Variants in PSG5 observed in about 807,000 individuals in gnomAD.
The protein encoded by PSG5 is pregnancy specific beta-1-glycoprotein 5, also known as pregnancy-specific beta-1-glycoprotein 5.
Under a neutral mutation model 37.7 loss-of-function variants are expected in PSG5, and 53 were observed. The observed-to-expected ratio is 1.41, with a 90% CI of 1.13 to 1.77. PSG5 has a LOEUF of 1.77. Ranked by LOEUF, PSG5 falls within the 40% of genes most tolerant of loss-of-function variation. PSG5 has a pLI of 0.00. For missense variants in PSG5, 547 were observed against 405.2 expected (o/e 1.35, Z -3.00); for synonymous variants, 221 against 155.4 (o/e 1.42, Z -3.14).
At chr19:43,183,974 A>C (rs1395166083) in intron 2 of PSG5, among the ~76,000 whole-genome samples, 1 of 151,650 alleles carries the variant, frequency 6.6e-6, no homozygotes, top group Non-Finnish European at 1.5e-5. Flanking sequence ...AATGCTTGGC[A>C]CAGTGGAGGT....
chr19:43,178,054 T>A (rs1364930246), intron 2 of PSG5, among the ~76,000 whole-genome samples: 1 of 151,646 alleles, frequency 6.6e-6, no homozygotes, highest in African/African-American at 2.4e-5. Context: ...AAGAATGATC[T>A]AGAAAGAGTG....
At chr19:43,183,205 G>A (rs1599755110) in intron 2 of PSG5, 2 of 328,616 alleles carry the variant, frequency 6.1e-6, no homozygotes, top group South Asian at 2.4e-5. Flanking sequence ...GGACAAAGGA[G>A]CCCTGAGAAT....
intron 2 of PSG5, among the ~76,000 whole-genome samples, chr19:43,182,612 A>G (rs1969152210): frequency 6.7e-6 from 1 of 149,774 alleles, no homozygotes; most frequent in African/African-American, 2.5e-5. Context: ...TCCACTGGGG[A>G]GGCTGATTTG....
intron 5 of PSG5, 72 bp from the exon 6 acceptor site, chr19:43,168,275 C>G: frequency 2.7e-6 from 1 of 372,118 alleles, no homozygotes; most frequent in Non-Finnish European, 5.0e-6. Context: ...AAAGACACAG[C>G]TCACATAGAA....
intron 4 of PSG5, 50 bp from the exon 5 acceptor site, chr19:43,170,188 A>C: frequency 6.8e-7 from 1 of 1,468,098 alleles, no homozygotes; most frequent in Non-Finnish European, 9.4e-7. Flanking sequence ...GTTATTTTAC[A>C]TGGGGGAGCC....
At chr19:43,181,348 CT>C (rs1969123978) in intron 2 of PSG5, among the ~76,000 whole-genome samples, 1 of 151,700 alleles carries the variant, frequency 6.6e-6, no homozygotes, top group African/African-American at 2.4e-5. Flanking sequence ...TCTTATTGAA[CT>C]TTCCTTTTTC....
intron 2 of PSG5, chr19:43,180,228 G>A (rs1276856289): frequency 6.6e-6 from 1 of 151,518 alleles, no homozygotes; most frequent in South Asian, 2.1e-4. Context: ...TTGTTCCATG[G>A]GTGTGCGGTT....
At chr19:43,179,510 C>G (rs1382528559) in intron 2 of PSG5, among the ~76,000 whole-genome samples, 1 of 151,712 alleles carries the variant, frequency 6.6e-6, no homozygotes, top group Admixed American at 6.6e-5. Context: ...GTATGCAGTG[C>G]TGGAATCTTC....
intron 2 of PSG5, among the ~76,000 whole-genome samples, chr19:43,184,536 C>T (rs375733028): frequency 6.6e-6 from 1 of 151,524 alleles, no homozygotes; most frequent in East Asian, 1.9e-4. Flanking sequence ...TCTCCTCCTG[C>T]TGAGTCCCCC....
At chr19:43,178,727 CT>C (rs548791287) in intron 2 of PSG5, among the ~76,000 whole-genome samples, 8 of 151,736 alleles carry the variant, frequency 5.3e-5, no homozygotes, top group African/African-American at 1.9e-4. Context: ...TAGGCCTACT[CT>C]GTTTTGCCTG....
At chr19:43,171,969 C>T (rs866245808) in intron 4 of PSG5, among the ~76,000 whole-genome samples, 3 of 140,992 alleles carry the variant, frequency 2.1e-5, no homozygotes, top group African/African-American at 8.2e-5. Context: ...ATAGTGAGAG[C>T]CCGTCCCTCT....
At position 43,186,229 on chromosome 19, in the gene PSG5, T is replaced by G. The variant is rs1165776228; in HGVS notation, c.64+113A>C. 24 of 1,545,746 alleles carry G rather than the reference T, an allele frequency of 1.6e-5. 1 individual carries two copies. Among genetic ancestry groups the G allele is most frequent in the South Asian group, 1.1e-4 (10 of 88,414 alleles). The stretch of plus-strand genomic sequence containing the variant: ...CTGATCTCATAATCCACCCACCTCA[T>G]CCTCCCAAAGTGCTGGCTTCTTTTA... On this transcript the variant is annotated intron_variant, in intron 1 of 5. Coordinates refer to ENST00000342951, the MANE Select transcript of PSG5 (RefSeq NM_002781.4).
At chr19:43,186,229 T>C in intron 1 of PSG5, 113 bp downstream of exon 1, 1 of 1,545,864 alleles carries the variant, frequency 6.5e-7, no homozygotes, top group Non-Finnish European at 8.8e-7. Flanking sequence ...ACCCACCTCA[T>C]CCTCCCAAAG....
intron 2 of PSG5, among the ~76,000 whole-genome samples, chr19:43,183,920 C>A (rs1042452822): frequency 3.8e-5 from 3 of 78,350 alleles, no homozygotes; most frequent in Admixed American, 1.1e-4. Context: ...TGTGGATTTT[C>A]ATGCTACTGT....
chr19:43,185,339 G>T (rs766577061), intron 1 of PSG5, among the ~76,000 whole-genome samples, 192 bp from the exon 2 acceptor site: 7 of 150,972 alleles, frequency 4.6e-5, no homozygotes, highest in African/African-American at 7.3e-5. Context: ...GTCCTACTAG[G>T]TCAAGGTCAG....
At chr19:43,169,298 C>T (rs899847733) in intron 5 of PSG5, among the ~76,000 whole-genome samples, 9 of 151,652 alleles carry the variant, frequency 5.9e-5, no homozygotes, top group African/African-American at 2.2e-4. Flanking sequence ...ATCTCAACCA[C>T]ACATAGGTTG....
intron 2 of PSG5, among the ~76,000 whole-genome samples, chr19:43,183,011 T>A (rs1969162973): frequency 6.7e-6 from 1 of 148,604 alleles, no homozygotes; most frequent in African/African-American, 2.5e-5. Context: ...TTAGAGGGAG[T>A]GTCTGGGGAA....
rs532858082 is a variant in PSG5 at position 43,186,041 on chromosome 19, A to G, written c.64+301T>C. ...ACCCAGGCTGGCGTGCAGTGGTGCT[A>G]TCTCGGCTCGCTGCAACTTCTGCCT... On this transcript the variant is annotated intron_variant, in intron 1 of 5. Transcript: ENST00000342951. Among the ~76,000 whole-genome samples, 14 of 150,282 alleles carry G rather than the reference A, an allele frequency of 9.3e-5. No homozygotes were observed. The South Asian group carries it at 1.7e-3, about 18-fold the overall frequency.
At chr19:43,182,433 T>C (rs1482213865) in intron 2 of PSG5, among the ~76,000 whole-genome samples, 3 of 151,574 alleles carry the variant, frequency 2.0e-5, no homozygotes, top group Admixed American at 2.0e-4. Flanking sequence ...ACCTCATTCA[T>C]ACCTATGACT....
Sources: allele counts gnomAD v4.1 joint callset (sites outside exome capture counted in the v4.1 genomes callset), GRCh38; gene constraint gnomAD v4.1.1; transcripts MANE v1.5; gene names NCBI Gene and HGNC (gene_info 2026-07-23, HGNC 2026-07-21).